Variants in SMIM10L3 observed in about 807,000 individuals in gnomAD.
The protein encoded by SMIM10L3 is small integral membrane protein 10 like 3.
the SMIM10L3 span, among the ~76,000 whole-genome samples, chr7:6,339,662 T>G: frequency 3.2e-4 from 48 of 151,780 alleles, no homozygotes; most frequent in African/African-American, 1.2e-3. Context: ...GTTTTGTATT[T>G]TTAGTAGAGA....
chr7:6,330,445 C>T, the SMIM10L3 span: 1 of 1,614,128 alleles, frequency 6.2e-7, no homozygotes, highest in Non-Finnish European at 8.5e-7. Flanking sequence ...TATCTGCAGA[C>T]CATCTGAGGT....
At chr7:6,336,932 G>T in the SMIM10L3 span, among the ~76,000 whole-genome samples, 1 of 152,130 alleles carries the variant, frequency 6.6e-6, no homozygotes, top group African/African-American at 2.4e-5. Context: ...GGAATTACAG[G>T]CGTGAGCCAC....
At chr7:6,338,947 G>A in the SMIM10L3 span, among the ~76,000 whole-genome samples, 1 of 152,144 alleles carries the variant, frequency 6.6e-6, no homozygotes, top group East Asian at 1.9e-4. Flanking sequence ...TCCCAGATGG[G>A]CCAGCTCCAC....
the SMIM10L3 span, among the ~76,000 whole-genome samples, chr7:6,335,465 T>A: frequency 2.0e-5 from 3 of 151,980 alleles, no homozygotes; most frequent in Non-Finnish European, 4.4e-5. Flanking sequence ...TGACCTCAGG[T>A]GATCTGCCCG....
chr7:6,348,531 G>T, the SMIM10L3 span: 2 of 416,654 alleles, frequency 4.8e-6, no homozygotes, highest in Non-Finnish European at 8.5e-6. Flanking sequence ...CGAGGCGGGC[G>T]CTCGGGGAGG....
At chr7:6,331,569 A>C in the SMIM10L3 span, among the ~76,000 whole-genome samples, 3 of 151,974 alleles carry the variant, frequency 2.0e-5, no homozygotes, top group Admixed American at 2.0e-4. Flanking sequence ...TTTAATAGAG[A>C]CAAGGTTTCA....
At chr7:6,332,963 A>G in the SMIM10L3 span, among the ~76,000 whole-genome samples, 1 of 152,092 alleles carries the variant, frequency 6.6e-6, no homozygotes, top group Non-Finnish European at 1.5e-5. Context: ...GTTCGAGACA[A>G]GCATGGTCAA....
chr7:6,347,499 G>C, the SMIM10L3 span, among the ~76,000 whole-genome samples: 1 of 150,314 alleles, frequency 6.7e-6, no homozygotes, highest in Non-Finnish European at 1.5e-5. Context: ...TTGGGCAAGA[G>C]TAAGACTCTG....
At chr7:6,334,539 C>T in the SMIM10L3 span, among the ~76,000 whole-genome samples, 2 of 152,092 alleles carry the variant, frequency 1.3e-5, no homozygotes, top group Non-Finnish European at 2.9e-5. Flanking sequence ...AGGATCACAG[C>T]TTACTGCAAA....
the SMIM10L3 span, among the ~76,000 whole-genome samples, chr7:6,333,032 C>A: frequency 6.6e-6 from 1 of 151,918 alleles, no homozygotes; most frequent in East Asian, 1.9e-4. Flanking sequence ...TGGCGGGTGC[C>A]TGTAATCCCA....
chr7:6,339,920 T>C, the SMIM10L3 span, among the ~76,000 whole-genome samples: 2 of 152,072 alleles, frequency 1.3e-5, no homozygotes, highest in African/African-American at 4.8e-5. Context: ...AGTCTCACTC[T>C]GCCGCCCAGG....
the SMIM10L3 span, among the ~76,000 whole-genome samples, chr7:6,343,897 G>C: frequency 6.6e-6 from 1 of 151,966 alleles, no homozygotes; most frequent in Non-Finnish European, 1.5e-5. Flanking sequence ...GGATGGGTAT[G>C]GCTTTTTCTT....
the SMIM10L3 span, among the ~76,000 whole-genome samples, chr7:6,341,004 TGTG>T: frequency 2.0e-4 from 22 of 111,656 alleles, no homozygotes; most frequent in African/African-American, 7.8e-4. Flanking sequence ...ATTAGCCAGG[TGTG>T]GTGGTGGGAA....
chr7:6,342,693 T>G, the SMIM10L3 span, among the ~76,000 whole-genome samples: 1 of 151,926 alleles, frequency 6.6e-6, no homozygotes, highest in South Asian at 2.1e-4. Context: ...AGCCAAAAAG[T>G]GAAAGCAACC....
At chr7:6,339,448 A>T in the SMIM10L3 span, among the ~76,000 whole-genome samples, 2 of 152,054 alleles carry the variant, frequency 1.3e-5, no homozygotes, top group South Asian at 4.2e-4. Flanking sequence ...ATAAAAAATA[A>T]ATCATCTGCC....
the SMIM10L3 span, among the ~76,000 whole-genome samples, chr7:6,342,849 C>A: frequency 2.0e-5 from 3 of 151,738 alleles, no homozygotes; most frequent in Non-Finnish European, 4.4e-5. Context: ...CCACCCTGGG[C>A]AACATAGTGA....
chr7:6,330,207 G>A, the SMIM10L3 span: 22 of 673,870 alleles, frequency 3.3e-5, 1 homozygote, highest in South Asian at 1.3e-4. Flanking sequence ...AGTTCCTTCC[G>A]CATCAACTGG....
At chr7:6,341,164 G>A in the SMIM10L3 span, among the ~76,000 whole-genome samples, 2 of 148,540 alleles carry the variant, frequency 1.3e-5, no homozygotes, top group Non-Finnish European at 3.0e-5. Flanking sequence ...ATGAGTGCTG[G>A]CCAGGCACAG....
the SMIM10L3 span, among the ~76,000 whole-genome samples, chr7:6,337,587 A>AT: frequency 1.2e-4 from 16 of 138,146 alleles, no homozygotes; most frequent in South Asian, 1.5e-3. Context: ...CAGTACCATT[A>AT]TTTTTTTTCA....
Sources: gnomAD v4.1 joint callset for allele counts (sites outside exome capture counted in the v4.1 genomes callset) on GRCh38, gnomAD v4.1.1 for gene constraint, MANE v1.5 for transcripts, NCBI Gene and HGNC (gene_info 2026-07-23, HGNC 2026-07-21) for gene names.